Variants in HTR6 observed in about 807,000 individuals in gnomAD.
HTR6 encodes 5-hydroxytryptamine receptor 6, also known as 5-hydroxytryptamine (serotonin) receptor 6, G protein-coupled.
In HTR6, 15 loss-of-function variants were observed where a neutral mutation model predicts 17.4. The ratio of observed to expected loss-of-function variants is 0.86; its 90% CI spans 0.58 to 1.33. HTR6 has a LOEUF of 1.33. Ranked by LOEUF, HTR6 falls within the 40% of genes most tolerant of loss-of-function variation. The pLI is 0.00. For missense variants in HTR6, 578 were observed against 616.0 expected, an observed-to-expected ratio of 0.94 and a Z score of 0.65; for synonymous variants, 326 against 295.5, an observed-to-expected ratio of 1.10 and a Z score of -1.06.
intron 1 of HTR6, among the ~76,000 whole-genome samples, chr1:19,677,518 G>A (rs1391460577): frequency 1.3e-5 from 2 of 152,062 alleles, no homozygotes; most frequent in Non-Finnish European, 2.9e-5. Context: ...AAAATGCCAA[G>A]GTAACCAGCA....
chr1:19,665,563 C>A lies in HTR6; in HGVS notation c.-191C>A. 1 of 497,322 alleles carries A rather than the reference C, an allele frequency of 2.0e-6. No homozygotes were observed. The highest frequency in any genetic ancestry group is 3.5e-6 in the Non-Finnish European group (1 of 283,296). 30.8% of individuals were successfully genotyped at this position (497,322 alleles called of 1,614,324 possible). A position where few individuals can be genotyped will look rare whatever the true frequency, so the allele number is the denominator to read the frequency against. ...GCCCAAATAGCCACACTGTGTCCTC[C>A]TGTAGTCGCTGCCCCCTGACCTAGC... On this transcript the variant is annotated 5_prime_UTR_variant, in exon 1 of 3. In the 5' UTR this introduces an upstream ATG that the reference lacks. Transcript: ENST00000289753. The surrounding 1 kb of genome is among the most constrained non-coding windows in gnomAD (Gnocchi z 4.2).
intron 1 of HTR6, among the ~76,000 whole-genome samples, chr1:19,678,133 G>A (rs4912143): frequency 6.6e-6 from 1 of 152,010 alleles, no homozygotes; most frequent in African/African-American, 2.4e-5. Context: ...TGTCTTTGCA[G>A]GGATGGTTGT....
intron 1 of HTR6, among the ~76,000 whole-genome samples, chr1:19,674,802 C>T (rs143928299): frequency 7.9e-5 from 12 of 152,330 alleles, no homozygotes; most frequent in African/African-American, 2.2e-4. Flanking sequence ...GTGAAGCGTG[C>T]AGACATGAAT....
rs2095081611 is a variant in HTR6 at position 19,666,283 on chromosome 1, C to T, written c.530C>T (p.Pro177Leu). 1 of 1,611,972 alleles carries T rather than the reference C, an allele frequency of 6.2e-7. No homozygotes were observed. Among genetic ancestry groups the T allele is most frequent in the Non-Finnish European group, 8.5e-7 (1 of 1,179,888 alleles). Residue 177 changes from proline to leucine, a missense_variant, in exon 1 of 3, where the codon CCT becomes CTT. Coordinates refer to ENST00000289753, the MANE Select transcript of HTR6 (RefSeq NM_000871.3). The surrounding 1 kb of genome is among the most constrained non-coding windows in gnomAD (Gnocchi z 4.5). ...HELGHARPPV[P>L]GQCRLLASLP... ...CTGGGCCACGCACGGCCACCCGTCCCTGGCCAGTGCCGCCTGCTGGCCAGC... is the reference window on the plus strand; with the variant it reads ...CTGGGCCACGCACGGCCACCCGTCCTTGGCCAGTGCCGCCTGCTGGCCAGC...
intron 1 of HTR6, among the ~76,000 whole-genome samples, chr1:19,675,550 G>A (rs2095093195): frequency 6.6e-6 from 1 of 152,064 alleles, no homozygotes; most frequent in Non-Finnish European, 1.5e-5. Context: ...AGACTAGAAA[G>A]GGAATCTCAG....
At chr1:19,672,115 G>A (rs1461120880) in intron 1 of HTR6, among the ~76,000 whole-genome samples, 1 of 151,672 alleles carries the variant, frequency 6.6e-6, no homozygotes, top group African/African-American at 2.4e-5. Context: ...TTGAGGGAGA[G>A]CCCAGCAGGA....
intron 1 of HTR6, among the ~76,000 whole-genome samples, chr1:19,671,932 G>A (rs1345449178): frequency 6.6e-6 from 1 of 152,172 alleles, no homozygotes; most frequent in Non-Finnish European, 1.5e-5. Context: ...GGCTGGGGAT[G>A]GAGGAAGAGC....
Position 19,666,081 on chromosome 1 carries a change from T to C in HTR6, c.328T>C (p.Cys110Arg), listed in dbSNP as rs1303795406. The C allele has an allele frequency of 1.9e-6, 3 of 1,612,940 alleles. No homozygotes were observed. Among genetic ancestry groups the C allele is most frequent in the African/African-American group, 1.3e-5 (1 of 75,064 alleles). The change falls in exon 1 of 3, where the codon TGC becomes CGC. Residue 110 changes from cysteine (C) to arginine (R), a missense_variant. Cys to Arg is a radical substitution (Grantham distance 180, BLOSUM62 -3). Coordinates refer to ENST00000289753, the MANE Select transcript of HTR6 (RefSeq NM_000871.3). This position sits in a 1 kb window ranked among gnomAD's most constrained non-coding sequence, Gnocchi z 4.5. ...CTGGACCGCCTTCGACGTGATGTGC[T>C]GCAGCGCCTCCATCCTCAACCTCTG... ...LLWTAFDVMC[C>R]SASILNLCLI...
Position 19,665,388 on chromosome 1 carries a change from C to G in HTR6, c.-366C>G. The G allele has an allele frequency of 5.0e-6, 1 of 201,526 alleles. No individual in the cohort carries two copies. Among genetic ancestry groups the G allele is most frequent in the Non-Finnish European group, 9.9e-6 (1 of 100,820 alleles). The allele number at this position is 201,526 out of a possible 1,614,324, so 12.5% of individuals were successfully genotyped here. On this transcript the variant is annotated 5_prime_UTR_variant, in exon 1 of 3. Coordinates refer to ENST00000289753, the MANE Select transcript of HTR6 (RefSeq NM_000871.3). This position sits in a 1 kb window ranked among gnomAD's most constrained non-coding sequence, Gnocchi z 4.2. ...CCCTCCCCTATCTTGCCGCCCGCCC[C>G]CTCCAGGGGGCTCTGCTCCCACCCC...
At chr1:19,674,476 G>A (rs1470602779) in intron 1 of HTR6, among the ~76,000 whole-genome samples, 2 of 144,686 alleles carry the variant, frequency 1.4e-5, no homozygotes, top group African/African-American at 2.6e-5. Context: ...GTGTGATCTC[G>A]GCTCACTGCA....
At position 19,678,584 on chromosome 1, in the gene HTR6, C is replaced by T. The variant is rs2095097178; in HGVS notation, c.732C>T (p.Arg244=). Reference sequence around the variant, plus strand: ...TTCCGCAGGTGCCCAGGACCCCACGCCCAGGGGTGGAGTCTGCTGACAGCA... The same window carrying T: ...TTCCGCAGGTGCCCAGGACCCCACGTCCAGGGGTGGAGTCTGCTGACAGCA... The part of the protein sequence containing the change: ...SETLQVPRTP[R]PGVESADSRR... Residue 244 remains arginine, a synonymous_variant, in exon 2 of 3, where the codon CGC becomes CGT. Coordinates refer to ENST00000289753, the MANE Select transcript of HTR6 (RefSeq NM_000871.3). The T allele has an allele frequency of 6.2e-7, 1 of 1,612,586 alleles. No homozygotes were observed. The highest frequency in any genetic ancestry group is 1.7e-5 in the Admixed American group (1 of 59,996).
Position 19,666,531 on chromosome 1 carries a change from C to A in HTR6, c.714+64C>A. On this transcript the variant is annotated intron_variant, in intron 1 of 2. Transcript: ENST00000289753. The surrounding 1 kb of genome is among the most constrained non-coding windows in gnomAD (Gnocchi z 4.5). ...GAGAGGAATGAGCAGCCCCTGGGGA[C>A]CCCCTGGGCATCCCCACTTAGCACA... The A allele has an allele frequency of 3.2e-6, 4 of 1,242,646 alleles. No homozygotes were observed. The highest frequency in any genetic ancestry group is 4.4e-6 in the Non-Finnish European group (4 of 903,404). The allele number at this position is 1,242,646 out of a possible 1,614,324, so 77.0% of individuals were successfully genotyped here. A position where few individuals can be genotyped will look rare whatever the true frequency, so the allele number is the denominator to read the frequency against.
At chr1:19,669,748 G>A (rs1408950970) in intron 1 of HTR6, among the ~76,000 whole-genome samples, 2 of 152,142 alleles carry the variant, frequency 1.3e-5, no homozygotes, top group South Asian at 2.1e-4. Context: ...CCACCCACAC[G>A]CTGATGACTT....
Position 19,679,574 on chromosome 1 carries a change from G to C in HTR6, c.*206G>C. The C allele has an allele frequency of 1.4e-6, 1 of 695,380 alleles. No individual in the cohort carries two copies. Among genetic ancestry groups the C allele is most frequent in the Non-Finnish European group, 2.3e-6 (1 of 438,254 alleles). 43.1% of individuals were successfully genotyped at this position (695,380 alleles called of 1,614,324 possible). ...ATAGCTGACTCAGATATCGTGTTCT[G>C]AAGGATGCTCCACTGTTGAGTGTAA... On this transcript the variant is annotated 3_prime_UTR_variant, in exon 3 of 3. Coordinates refer to ENST00000289753, the MANE Select transcript of HTR6 (RefSeq NM_000871.3). This position sits in a 1 kb window ranked among gnomAD's most constrained non-coding sequence, Gnocchi z 4.9.
Position 19,665,777 on chromosome 1 carries a change from C to G in HTR6, c.24C>G (p.Thr8=). The G allele has an allele frequency of 1.3e-6, 2 of 1,499,914 alleles. No homozygotes were observed. The highest frequency in any genetic ancestry group is 1.5e-5 in the African/African-American group (1 of 68,398). The allele number at this position is 1,499,914 out of a possible 1,614,324, so 92.9% of individuals were successfully genotyped here. Residue 8 remains threonine, a synonymous_variant, in exon 1 of 3, where the codon ACC becomes ACG. Transcript: ENST00000289753. The surrounding 1 kb of genome is among the most constrained non-coding windows in gnomAD (Gnocchi z 4.2). ...TCATGGTCCCAGAGCCGGGCCCAAC[C>G]GCCAATAGCACCCCGGCCTGGGGGG... is the stretch of plus-strand genomic sequence containing the variant. The part of the protein sequence containing the change: MVPEPGP[T]ANSTPAWGAG...
At chr1:19,678,530 C>G in intron 1 of HTR6, 37 bp from the exon 2 acceptor site, 4 of 1,611,730 alleles carry the variant, frequency 2.5e-6, no homozygotes, top group Non-Finnish European at 3.4e-6. Context: ...GACGGGGGCC[C>G]TTTCTCAACG....
intron 1 of HTR6, among the ~76,000 whole-genome samples, chr1:19,667,813 G>T (rs2095083436): frequency 1.3e-5 from 2 of 152,206 alleles, no homozygotes; most frequent in Admixed American, 1.3e-4. Flanking sequence ...CCCTGGAGGG[G>T]TGGGTGTGTA....
chr1:19,677,518 G>C (rs1391460577), intron 1 of HTR6, among the ~76,000 whole-genome samples: 1 of 152,062 alleles, frequency 6.6e-6, no homozygotes. Flanking sequence ...AAAATGCCAA[G>C]GTAACCAGCA....
At position 19,678,635 on chromosome 1, in the gene HTR6, G is replaced by A. The variant is rs200971544; in HGVS notation, c.783G>A (p.Arg261=). ...DSRRLATKHS[R]KALKASLTLG... ...GGCGTCTAGCCACGAAGCACAGCAG[G>A]AAGGCCCTGAAGGCCAGCCTGACGC... Residue 261 remains arginine, a synonymous_variant, in exon 2 of 3, where the codon AGG becomes AGA. Coordinates refer to ENST00000289753, the MANE Select transcript of HTR6 (RefSeq NM_000871.3). 9 of 1,613,618 alleles carry A rather than the reference G, an allele frequency of 5.6e-6. No homozygotes were observed. The East Asian group carries it at 8.9e-5, about 16-fold the overall frequency.
Sources: allele counts gnomAD v4.1 joint callset (sites outside exome capture counted in the v4.1 genomes callset), GRCh38; gene constraint gnomAD v4.1.1; non-coding constraint Gnocchi (gnomAD v3.1); transcripts MANE v1.5; gene names NCBI Gene and HGNC (gene_info 2026-07-23, HGNC 2026-07-21).